The following SRFBP1 variants were observed in gnomAD, a reference collection of about 807,000 sequenced individuals.
The protein encoded by SRFBP1 is serum response factor-binding protein 1.
SRFBP1 carries 47 observed loss-of-function variants against 45.5 expected under a neutral mutation model. The observed-to-expected ratio is 1.03, with a 90% CI of 0.82 to 1.32. The LOEUF is 1.32. SRFBP1 is among the 40% of genes most tolerant of loss of function. The pLI is 0.00. For missense variants in SRFBP1, 621 were observed against 484.6 expected (o/e 1.28, Z -2.64); for synonymous variants, 203 against 166.3 (o/e 1.22, Z -1.70).
At chr5:121,966,476 C>A (rs1752070357) in intron 1 of SRFBP1, among the ~76,000 whole-genome samples, 1 of 152,182 alleles carries the variant, frequency 6.6e-6, no homozygotes, top group Admixed American at 6.5e-5. Context: ...GCATGGATAG[C>A]ATAACTGTCA....
chr5:121,964,936 A>G (rs1157630739), intron 1 of SRFBP1, among the ~76,000 whole-genome samples: 1 of 152,184 alleles, frequency 6.6e-6, no homozygotes, highest in African/African-American at 2.4e-5. Flanking sequence ...CATATCTCTA[A>G]TGACCACTGG....
intron 3 of SRFBP1, among the ~76,000 whole-genome samples, chr5:121,979,415 T>G (rs1752363542): frequency 6.6e-6 from 1 of 152,220 alleles, no homozygotes; most frequent in Non-Finnish European, 1.5e-5. Context: ...TTAAACAAGT[T>G]TCTCCGTAGG....
chr5:122,007,074 G>C (rs1282292386), intron 4 of SRFBP1, among the ~76,000 whole-genome samples: 1 of 152,092 alleles, frequency 6.6e-6, no homozygotes, highest in African/African-American at 2.4e-5. Flanking sequence ...TCTCCAGTCA[G>C]TGCATCCAGA....
chr5:121,967,160 C>T (rs1221238892), intron 1 of SRFBP1, among the ~76,000 whole-genome samples: 1 of 152,024 alleles, frequency 6.6e-6, no homozygotes, highest in African/African-American at 2.4e-5. Flanking sequence ...TCATGTAAGA[C>T]AGTAAAGGTA....
At chr5:122,062,250 T>C (rs1299195486) in intron 2 of SRFBP1, among the ~76,000 whole-genome samples, 1 of 151,970 alleles carries the variant, frequency 6.6e-6, no homozygotes, top group Non-Finnish European at 1.5e-5. Context: ...CCTAATTCTA[T>C]ATAAATATTA....
At chr5:122,067,039 C>T (rs2152585073) in intron 2 of SRFBP1, among the ~76,000 whole-genome samples, 1 of 152,256 alleles carries the variant, frequency 6.6e-6, no homozygotes, top group Admixed American at 6.5e-5. Context: ...GGACCAGCAT[C>T]CCTGACCAGG....
At chr5:122,043,296 A>C (rs778411950) in intron 2 of SRFBP1, among the ~76,000 whole-genome samples, 1 of 151,776 alleles carries the variant, frequency 6.6e-6, no homozygotes, top group Non-Finnish European at 1.5e-5. Context: ...GCTCACTGCA[A>C]CCTCTGCTTC....
intron 4 of SRFBP1, among the ~76,000 whole-genome samples, chr5:122,017,867 G>T (rs1461076031): frequency 6.6e-6 from 1 of 152,206 alleles, no homozygotes; most frequent in African/African-American, 2.4e-5. Flanking sequence ...ACACACTAGT[G>T]AAATTTATTC....
intron 2 of SRFBP1, among the ~76,000 whole-genome samples, chr5:122,050,517 G>T (rs1437576757): frequency 6.6e-6 from 1 of 152,116 alleles, no homozygotes; most frequent in African/African-American, 2.4e-5. Context: ...ATATTTTCTA[G>T]TTTGGGTGCA....
In SRFBP1 at chr5:122,034,116, G is replaced by A. The variant is rs1025740612; in HGVS notation, n.311+11709G>A. On this transcript the variant is annotated intron_variant and non_coding_transcript_variant, in intron 2 of 2. Coordinates refer to the SRFBP1 transcript ENST00000504881. ...TGGGATTAAAGGCGTGAACCACTGC[G>A]CCCGGCCTATTTTTAGCCTTTCTAA... Among the ~76,000 whole-genome samples, 9 of 152,122 alleles carry A rather than the reference G, an allele frequency of 5.9e-5. No homozygotes were observed. The South Asian group carries it at 1.0e-3, about 17-fold the overall frequency.
chr5:122,044,918 C>T lies in SRFBP1; in HGVS notation n.311+22511C>T, dbSNP rs144171798. On this transcript the variant is annotated intron_variant and non_coding_transcript_variant, in intron 2 of 2. Coordinates refer to the SRFBP1 transcript ENST00000504881. ...TTGCAATTACTTTCAGTATCTTTGT[C>T]ATGAAACCTTTGCCAAGTCCTGTGT... Among the ~76,000 whole-genome samples, 206 of 152,236 alleles carry T rather than the reference C, an allele frequency of 1.4e-3. 1 individual carries two copies. Among genetic ancestry groups the T allele is most frequent in the African/African-American group, 4.8e-3 (200 of 41,532 alleles).
intron 2 of SRFBP1, among the ~76,000 whole-genome samples, chr5:122,034,465 G>C (rs1262743158): frequency 6.6e-6 from 1 of 151,194 alleles, no homozygotes; most frequent in Non-Finnish European, 1.5e-5. Flanking sequence ...TTTTTATTTA[G>C]AATCTGTATT....
Position 121,978,407 on chromosome 5 carries a change from GA to G in SRFBP1, c.198+3028del, listed in dbSNP as rs569304503. Among the ~76,000 whole-genome samples the G allele has an allele frequency of 2.8e-4, 43 of 151,470 alleles. 1 individual carries two copies. The highest frequency in any genetic ancestry group is 2.7e-3 in the South Asian group (13 of 4,790). On this transcript the variant is annotated intron_variant, in intron 3 of 7. Coordinates refer to ENST00000339397, the MANE Select transcript of SRFBP1 (RefSeq NM_152546.3). ...AGTAAACATGAAACTTGCCATCTAGGAAAAAAAAGACTGAAAGATGTGCAAC... is the reference window on the plus strand; with the variant it reads ...AGTAAACATGAAACTTGCCATCTAGGAAAAAAAGACTGAAAGATGTGCAAC...
At chr5:122,044,136 C>T (rs1753814248) in intron 2 of SRFBP1, among the ~76,000 whole-genome samples, 1 of 152,142 alleles carries the variant, frequency 6.6e-6, no homozygotes, top group Non-Finnish European at 1.5e-5. Flanking sequence ...TGTTAGTTTG[C>T]TTAGGATAAT....
intron 2 of SRFBP1, among the ~76,000 whole-genome samples, chr5:122,038,905 CTA>C (rs1753731653): frequency 6.6e-6 from 1 of 151,854 alleles, no homozygotes; most frequent in Non-Finnish European, 1.5e-5. Flanking sequence ...GATGCAAAAA[CTA>C]TAAAAAACCC....
chr5:122,022,836 A>G (rs576780023), intron 7 of SRFBP1, among the ~76,000 whole-genome samples: 1 of 152,364 alleles, frequency 6.6e-6, no homozygotes, highest in South Asian at 2.1e-4. Flanking sequence ...GTATTTGGGT[A>G]GAGTGACTTC....
At position 122,070,091 on chromosome 5, in the gene SRFBP1, T is replaced by G. The variant is rs904161123; in HGVS notation, n.312-5224T>G. 3 of 1,613,250 alleles carry G rather than the reference T, an allele frequency of 1.9e-6. No individual in the cohort carries two copies. The highest frequency in any genetic ancestry group is 3.3e-4 in the Middle Eastern group (2 of 6,056). ...AGCCTGAGGCATACGCATGATGTCC[T>G]GTGTAGCGAATGTCACAGCGCACAA... is the stretch of plus-strand genomic sequence containing the variant. On this transcript the variant is annotated intron_variant and non_coding_transcript_variant, in intron 2 of 2. Coordinates refer to the SRFBP1 transcript ENST00000504881.
chr5:121,970,146 A>G (rs1329474702), intron 1 of SRFBP1, among the ~76,000 whole-genome samples: 4 of 152,126 alleles, frequency 2.6e-5, no homozygotes, highest in Admixed American at 6.6e-5. Flanking sequence ...CTTAAAGGCT[A>G]TATTTGTCAT....
chr5:121,987,615 C>A (rs907473971), intron 3 of SRFBP1, among the ~76,000 whole-genome samples: 1 of 152,076 alleles, frequency 6.6e-6, no homozygotes, highest in Admixed American at 6.6e-5. Flanking sequence ...AAATTTAGAA[C>A]CCAGACATTT....
Sources: gnomAD v4.1 joint callset for allele counts (sites outside exome capture counted in the v4.1 genomes callset) on GRCh38, gnomAD v4.1.1 for gene constraint, MANE v1.5 for transcripts, NCBI Gene and HGNC (gene_info 2026-07-23, HGNC 2026-07-21) for gene names.